TTLL9: variants seen among roughly 807,000 people sequenced by gnomAD.
The protein encoded by TTLL9 is tubulin tyrosine ligase like 9.
Under a neutral mutation model 65.6 loss-of-function variants are expected in TTLL9, and 47 were observed. That is an observed-to-expected ratio of 0.72 (90% CI 0.57 to 0.91). The LOEUF is 0.91. TTLL9 is among the 40% of genes least tolerant of loss of function. TTLL9 has a pLI of 0.00. For synonymous variants in TTLL9, 179 were observed against 204.8 expected (o/e 0.87, Z 1.07); for missense variants, 537 against 568.8 (o/e 0.94, Z 0.57).
intron 10 of TTLL9, among the ~76,000 whole-genome samples, chr20:31,929,155 C>G (rs1179528843): frequency 1.3e-5 from 2 of 152,174 alleles, no homozygotes; most frequent in African/African-American, 2.4e-5. Flanking sequence ...CTTGATCTTC[C>G]AAGGTGCTGG....
At chr20:31,938,760 C>T (rs1375599812) in intron 13 of TTLL9, among the ~76,000 whole-genome samples, 1 of 152,164 alleles carries the variant, frequency 6.6e-6, no homozygotes, top group Admixed American at 6.5e-5. Flanking sequence ...CGCCTGTAGT[C>T]CCAGCTACTC....
chr20:31,923,149 GACAC>G, intron 8 of TTLL9, 96 bp downstream of exon 8: 1 of 933,388 alleles, frequency 1.1e-6, no homozygotes, highest in Non-Finnish European at 1.8e-6. Flanking sequence ...GGCCCAGCCT[GACAC>G]CAGGCATGAA....
chr20:31,898,512 G>A lies in TTLL9; in HGVS notation c.153G>A (p.Met51Ile), dbSNP rs912109246. 6.2e-6 allele frequency: 10 copies of A among 1,614,188 alleles called. No homozygotes were observed. The highest frequency in any genetic ancestry group is 8.5e-6 in the Non-Finnish European group (10 of 1,180,054). The part of the protein sequence containing the change: ...RASIRFKTTL[M>I]NTLMDVLRHR... ...CGATCCGGTTCAAGACCACCCTCAT[G>A]AACACACTCATGGACGTCCTTCGCC... Residue 51 changes from methionine to isoleucine, a missense_variant, in exon 4 of 15, where the codon ATG becomes ATA. Transcript: ENST00000535842.
rs116260279 is a variant in TTLL9 at position 31,885,726 on chromosome 20, C to T, written c.70-1470C>T. On this transcript the variant is annotated intron_variant, in intron 2 of 14. Coordinates refer to ENST00000535842, the MANE Select transcript of TTLL9 (RefSeq NM_001008409.5). ...ATTCTCAGATGGGCCCCAAGATTCC[C>T]ACCCCCTAGAGTACATGCCTTGTAC... 1.7e-3 allele frequency among the ~76,000 whole-genome samples: 257 copies of T among 152,290 alleles called. 2 individuals are homozygous for T. Among genetic ancestry groups the T allele is most frequent in the African/African-American group, 5.6e-3 (233 of 41,572 alleles).
intron 14 of TTLL9, among the ~76,000 whole-genome samples, chr20:31,942,137 T>C (rs1473263483): frequency 6.6e-6 from 1 of 152,010 alleles, no homozygotes; most frequent in Non-Finnish European, 1.5e-5. Flanking sequence ...GGACAGGGTT[T>C]GGGGGGATGT....
At chr20:31,890,006 C>CTTTT (rs1338887189) in intron 3 of TTLL9, among the ~76,000 whole-genome samples, 1 of 139,564 alleles carries the variant, frequency 7.2e-6, no homozygotes, top group Non-Finnish European at 1.5e-5. Context: ...TTCTTTCTTT[C>CTTTT]TTTCTTTCTT....
Position 31,925,049 on chromosome 20 carries a change from G to A in TTLL9, c.705G>A (p.Ser235=), listed in dbSNP as rs368434030. The A allele has an allele frequency of 2.0e-5, 32 of 1,613,906 alleles. No individual in the cohort carries two copies. Among genetic ancestry groups the A allele is most frequent in the Middle Eastern group, 1.6e-4 (1 of 6,072 alleles). ...TGCGTGTCTATGTGCTGGTGATGTC[G>A]GTGAGTAACAAAGGTGGGGGCCCTC... ...FDLRVYVLVM[S]VFAECLLWSG... The change falls in exon 9 of 15, where the codon TCG becomes TCA. Residue 235 remains serine, a splice_region_variant and synonymous_variant. Transcript: ENST00000535842.
chr20:31,890,150 CTTCCTTCTTTCT>C (rs2063280713), intron 3 of TTLL9, among the ~76,000 whole-genome samples: 80 of 16,712 alleles, frequency 4.8e-3, no homozygotes, highest in South Asian at 0.03. Flanking sequence ...TCCTTCCTTC[CTTCCTTCTTTCT>C]TTCTTTCTTT....
In TTLL9 at chr20:31,939,166, C is replaced by G; in HGVS notation, c.1143C>G (p.Val381=). The G allele has an allele frequency of 6.2e-7, 1 of 1,602,374 alleles. No homozygotes were observed. The highest frequency in any genetic ancestry group is 8.5e-7 in the Non-Finnish European group (1 of 1,174,528). ...GGCTCACGGGAAGGGAGAAGCGAGT[C>G]GGGGGCTTTGACCTCATGTGGAATG... ...EARLTGREKR[V]GGFDLMWNDG... The change falls in exon 14 of 15, where the codon GTC becomes GTG. Residue 381 remains valine, a synonymous_variant. Coordinates refer to ENST00000535842, the MANE Select transcript of TTLL9 (RefSeq NM_001008409.5).
At chr20:31,907,467 A>G (rs1600570206) in intron 4 of TTLL9, among the ~76,000 whole-genome samples, 2 of 152,204 alleles carry the variant, frequency 1.3e-5, no homozygotes, top group South Asian at 4.1e-4. Flanking sequence ...CACACCTATA[A>G]TCCCAGCACT....
chr20:31,882,554 TA>T (rs2063132988), intron 2 of TTLL9, among the ~76,000 whole-genome samples: 1 of 152,174 alleles, frequency 6.6e-6, no homozygotes, highest in African/African-American at 2.4e-5. Flanking sequence ...GAAATAAAAT[TA>T]AAGTTCTCTG....
At chr20:31,936,525 C>T (rs1380347627) in intron 12 of TTLL9, among the ~76,000 whole-genome samples, 2 of 151,980 alleles carry the variant, frequency 1.3e-5, no homozygotes, top group Non-Finnish European at 2.9e-5. Flanking sequence ...GATGATCTCG[C>T]AATTCTGGAC....
At chr20:31,936,457 T>C (rs6089124) in intron 12 of TTLL9, among the ~76,000 whole-genome samples, 73,553 of 151,400 alleles carry the variant, frequency 0.49, 20,156 homozygotes, top group African/African-American at 0.74. Context: ...GTGACAGAAC[T>C]GGATTCTGAC....
intron 3 of TTLL9, among the ~76,000 whole-genome samples, chr20:31,890,463 G>A (rs899527336): frequency 1.3e-5 from 2 of 151,986 alleles, no homozygotes; most frequent in African/African-American, 4.8e-5. Context: ...CTGTTTCATT[G>A]TGTATCGCAA....
chr20:31,941,677 C>G (rs1203482671), intron 14 of TTLL9, among the ~76,000 whole-genome samples: 1 of 152,136 alleles, frequency 6.6e-6, no homozygotes, highest in Non-Finnish European at 1.5e-5. Flanking sequence ...GTCCTCCTAC[C>G]TCAGCCTCCT....
At chr20:31,913,926 C>G (rs933341832) in intron 6 of TTLL9, among the ~76,000 whole-genome samples, 2 of 152,180 alleles carry the variant, frequency 1.3e-5, no homozygotes, top group African/African-American at 4.8e-5. Context: ...CCTCGTGGTG[C>G]GGGGAGGCGA....
At chr20:31,896,088 C>G (rs2063383449) in intron 3 of TTLL9, among the ~76,000 whole-genome samples, 1 of 152,168 alleles carries the variant, frequency 6.6e-6, no homozygotes, top group African/African-American at 2.4e-5. Context: ...GTTCTGCCTG[C>G]CTCAGCCTCC....
chr20:31,888,164 G>T (rs111474751), intron 3 of TTLL9, among the ~76,000 whole-genome samples: 8 of 152,088 alleles, frequency 5.3e-5, no homozygotes, highest in African/African-American at 1.9e-4. Flanking sequence ...GATTACAGGC[G>T]TGAGCCACCA....
intron 2 of TTLL9, among the ~76,000 whole-genome samples, chr20:31,877,229 C>T (rs191336414): frequency 3.3e-5 from 5 of 152,288 alleles, no homozygotes; most frequent in Non-Finnish European, 7.4e-5. Context: ...ACCTCCGCCT[C>T]CTGGGTTCAA....
Sources: allele counts gnomAD v4.1 joint callset (sites outside exome capture counted in the v4.1 genomes callset), GRCh38; gene constraint gnomAD v4.1.1; transcripts MANE v1.5; gene names NCBI Gene and HGNC (gene_info 2026-07-23, HGNC 2026-07-21).